Variants in ENTPD6 observed in about 807,000 individuals in gnomAD.
ENTPD6 encodes CD39 antigen-like 2.
Under a neutral mutation model 61.5 loss-of-function variants are expected in ENTPD6, and 46 were observed. The observed-to-expected ratio is 0.75, with a 90% CI of 0.59 to 0.96. ENTPD6 has a LOEUF of 0.96. Ranked by LOEUF, ENTPD6 falls within the 40% of genes least tolerant of loss-of-function variation. ENTPD6 has a pLI of 0.00. For missense variants in ENTPD6, 612 were observed against 629.0 expected, an observed-to-expected ratio of 0.97 and a Z score of 0.29; for synonymous variants, 252 against 255.5, an observed-to-expected ratio of 0.99 and a Z score of 0.13.
In ENTPD6 at chr20:25,225,834, C is replaced by A; in HGVS notation, c.*237C>A. On this transcript the variant is annotated 3_prime_UTR_variant, in exon 15 of 15. Coordinates refer to ENST00000376652, the MANE Select transcript of ENTPD6 (RefSeq NM_001247.5). ...GCTCAATGCCACCTGTCTGCCTGGG[C>A]TCCAAGTGGGCAGGACCAGGACAGA... 1 of 508,024 alleles carries A rather than the reference C, an allele frequency of 2.0e-6. No individual in the cohort carries two copies. Among genetic ancestry groups the A allele is most frequent in the Non-Finnish European group, 3.5e-6 (1 of 285,038 alleles). 31.5% of individuals were successfully genotyped at this position (508,024 alleles called of 1,614,324 possible).
Position 25,207,170 on chromosome 20 carries a change from G to A in ENTPD6, c.149G>A (p.Cys50Tyr), listed in dbSNP as rs200505177. ...AAGGTGGCATACCCCCTGGGGCTGT[G>A]TGTGGGCGTGTTCATCTATGTTGCC... ...VAKVAYPLGL[C>Y]VGVFIYVAYI... Residue 50 changes from cysteine (C) to tyrosine (Y), a missense_variant, in exon 3 of 15, where the codon TGT (cysteine) becomes TAT (tyrosine). Physicochemically the swap from Cys to Tyr is radical, Grantham distance 194. Coordinates refer to ENST00000376652, the MANE Select transcript of ENTPD6 (RefSeq NM_001247.5). 3.1e-6 allele frequency: 5 copies of A among 1,614,150 alleles called. No homozygotes were observed. The highest frequency in any genetic ancestry group is 4.5e-5 in the East Asian group (2 of 44,878).
At chr20:25,214,271 G>T (rs759175494) in intron 5 of ENTPD6, among the ~76,000 whole-genome samples, 2 of 152,240 alleles carry the variant, frequency 1.3e-5, no homozygotes, top group Admixed American at 6.5e-5. Context: ...GGGTTGGATT[G>T]TGCACGCGTG....
intron 1 of ENTPD6, among the ~76,000 whole-genome samples, chr20:25,196,738 A>C (rs1194366064): frequency 6.6e-6 from 1 of 151,834 alleles, no homozygotes; most frequent in Non-Finnish European, 1.5e-5. Context: ...GATTACAAGG[A>C]CTCTTCCTCC....
intron 3 of ENTPD6, among the ~76,000 whole-genome samples, chr20:25,208,414 G>T (rs2091686486): frequency 6.6e-6 from 1 of 152,132 alleles, no homozygotes; most frequent in South Asian, 2.1e-4. Flanking sequence ...CCATTGCACT[G>T]CAGCCTGGGC....
chr20:25,196,119 AG>A, intron 1 of ENTPD6: 3 of 1,190,140 alleles, frequency 2.5e-6, no homozygotes, highest in Non-Finnish European at 2.1e-6. Flanking sequence ...CTGTAGCCCC[AG>A]GGGGCCCCAG....
intron 1 of ENTPD6, among the ~76,000 whole-genome samples, chr20:25,196,476 G>A (rs1025644184): frequency 1.3e-5 from 2 of 152,232 alleles, no homozygotes; most frequent in Non-Finnish European, 2.9e-5. Context: ...GAAGAGGAAG[G>A]AGAGATGGGA....
Position 25,225,253 on chromosome 20 carries a change from T to C in ENTPD6, c.1292T>C (p.Met431Thr), listed in dbSNP as rs2092765917. Residue 431 changes from methionine to threonine, a missense_variant, in exon 14 of 15, where the codon ATG (methionine) becomes ACG (threonine). Transcript: ENST00000376652. Reference sequence around the variant, plus strand: ...CCGCAGAGCAGCCCCTTCTCATGCATGGACCTCACCTACGTCAGCCTGCTA... The same window carrying C: ...CCGCAGAGCAGCCCCTTCTCATGCACGGACCTCACCTACGTCAGCCTGCTA... ...TQPQSSPFSC[M>T]DLTYVSLLLQ... 6.2e-7 allele frequency: 1 copy of C among 1,613,648 alleles called. No individual in the cohort carries two copies. Among genetic ancestry groups the C allele is most frequent in the Non-Finnish European group, 8.5e-7 (1 of 1,179,950 alleles).
At chr20:25,214,365 G>T (rs1309095016) in intron 5 of ENTPD6, among the ~76,000 whole-genome samples, 3 of 152,238 alleles carry the variant, frequency 2.0e-5, no homozygotes, top group Non-Finnish European at 2.9e-5. Context: ...CGAGGCCAGG[G>T]CCCTGGTGAA....
Position 25,195,856 on chromosome 20 carries a change from G to A in ENTPD6, c.-27G>A. ...CTCGTCTCCGTGGGTGTGGCGGAGCGCGCGGTGCATGGTAAGCGGCGGGCC... is the reference window on the plus strand; with the variant it reads ...CTCGTCTCCGTGGGTGTGGCGGAGCACGCGGTGCATGGTAAGCGGCGGGCC... On this transcript the variant is annotated 5_prime_UTR_variant, in exon 1 of 15. Coordinates refer to ENST00000376652, the MANE Select transcript of ENTPD6 (RefSeq NM_001247.5). 1.6e-6 allele frequency: 2 copies of A among 1,237,738 alleles called. No individual in the cohort carries two copies. The highest frequency in any genetic ancestry group is 2.0e-6 in the Non-Finnish European group (2 of 988,118). The allele number at this position is 1,237,738 out of a possible 1,614,324, so 76.7% of individuals were successfully genotyped here.
intron 11 of ENTPD6, 188 bp from the exon 12 acceptor site, chr20:25,222,650 C>A: frequency 1.6e-6 from 1 of 644,520 alleles, no homozygotes; most frequent in Non-Finnish European, 2.5e-6. Context: ...AATGCCCTGG[C>A]TCCTGAGGGC....
chr20:25,223,027 C>CGGGGGGGGGGG, intron 12 of ENTPD6, 49 bp downstream of exon 12: 1 of 490,362 alleles, frequency 2.0e-6, no homozygotes, highest in Non-Finnish European at 3.2e-6. Context: ...CGGCAGGGGG[C>CGGGGGGGGGGG]GGGGGTGGAG....
intron 11 of ENTPD6, 53 bp downstream of exon 11, chr20:25,221,386 C>A: frequency 7.3e-7 from 1 of 1,374,878 alleles, no homozygotes; most frequent in Non-Finnish European, 1.0e-6. Context: ...TGGTGGCCTC[C>A]TCTCCCCCTT....
intron 1 of ENTPD6, among the ~76,000 whole-genome samples, chr20:25,197,848 A>G (rs978372210): frequency 2.6e-5 from 4 of 152,198 alleles, no homozygotes; most frequent in African/African-American, 9.7e-5. Flanking sequence ...AGGTATGTCT[A>G]TGTATGTGAG....
chr20:25,221,558 T>TC, intron 11 of ENTPD6: 1 of 581,448 alleles, frequency 1.7e-6, no homozygotes, highest in East Asian at 3.1e-5. Flanking sequence ...CCCCTGACTG[T>TC]CACCAGAAGC....
At chr20:25,219,281 C>T (rs1023609443) in intron 10 of ENTPD6, among the ~76,000 whole-genome samples, 34 of 152,340 alleles carry the variant, frequency 2.2e-4, no homozygotes, top group African/African-American at 7.9e-4. Flanking sequence ...ACATTGGGAG[C>T]TGGCTTTAGG....
chr20:25,205,692 G>C (rs2091429829), intron 1 of ENTPD6, among the ~76,000 whole-genome samples: 1 of 152,232 alleles, frequency 6.6e-6, no homozygotes, highest in African/African-American at 2.4e-5. Context: ...GCTCAGGGAA[G>C]GGTGGTTTTT....
chr20:25,213,303 A>G lies in ENTPD6; in HGVS notation c.494A>G (p.Gln165Arg). ...CGGGAACTACTGGATGTTGCTAAAC[A>G]GGACATTCCGTTCGACTTCTGGAAG... The part of the protein sequence containing the change: ...GIRELLDVAK[Q>R]DIPFDFWKAT... Residue 165 changes from glutamine (Q) to arginine (R), a missense_variant, in exon 5 of 15, where the codon CAG becomes CGG. Physicochemically the swap from Gln to Arg is conservative, Grantham distance 43 (BLOSUM62 1). Coordinates refer to ENST00000376652, the MANE Select transcript of ENTPD6 (RefSeq NM_001247.5). The G allele has an allele frequency of 6.2e-7, 1 of 1,614,270 alleles. No homozygotes were observed. The highest frequency in any genetic ancestry group is 8.5e-7 in the Non-Finnish European group (1 of 1,180,044).
Position 25,207,389 on chromosome 20 carries a change from C to A in ENTPD6, c.368C>A (p.Pro123His). The A allele has an allele frequency of 6.5e-7, 1 of 1,529,584 alleles. No individual in the cohort carries two copies. Among genetic ancestry groups the A allele is most frequent in the Non-Finnish European group, 8.8e-7 (1 of 1,134,728 alleles). 94.8% of individuals were successfully genotyped at this position (1,529,584 alleles called of 1,614,324 possible). A position where few individuals can be genotyped will look rare whatever the true frequency, so the allele number is the denominator to read the frequency against. The change falls in exon 3 of 15, where the codon CCC becomes CAC. Residue 123 changes from proline to histidine, a missense_variant. Physicochemically the swap from Pro to His is moderately conservative, Grantham distance 77. Coordinates refer to ENST00000376652, the MANE Select transcript of ENTPD6 (RefSeq NM_001247.5). ...TRVHVFQFTR[P>H]PRETPTLTHE... ...GTACACGTCTTCCAGTTCACCCGGC[C>A]CCCCAGAGGTACCCGCCTCTCATGG...
At chr20:25,211,661 T>C (rs1224604561) in intron 4 of ENTPD6, among the ~76,000 whole-genome samples, 1 of 152,228 alleles carries the variant, frequency 6.6e-6, no homozygotes, top group Non-Finnish European at 1.5e-5. Context: ...TGTTATTGCA[T>C]GGATGCTGCA....
Sources: gnomAD v4.1 joint callset for allele counts (sites outside exome capture counted in the v4.1 genomes callset) on GRCh38, gnomAD v4.1.1 for gene constraint, MANE v1.5 for transcripts, NCBI Gene and HGNC (gene_info 2026-07-23, HGNC 2026-07-21) for gene names.